CTNNA3: variants seen among roughly 807,000 people sequenced by gnomAD.
CTNNA3 encodes the protein catenin alpha-3.
Under a neutral mutation model 95.7 loss-of-function variants are expected in CTNNA3, and 76 were observed. The ratio of observed to expected loss-of-function variants is 0.79; its 90% CI spans 0.66 to 0.96. The LOEUF is 0.96. Ranked by LOEUF, CTNNA3 falls within the 40% of genes least tolerant of loss-of-function variation. The pLI, the probability that CTNNA3 is intolerant of heterozygous loss-of-function variation, is 0.00. For missense variants in CTNNA3, 1,191 were observed against 1,089.8 expected (o/e 1.09, Z -1.31); for synonymous variants, 431 against 374.4 (o/e 1.15, Z -1.74).
intron 10 of CTNNA3, among the ~76,000 whole-genome samples, chr10:66,593,483 A>G (rs1843617215): frequency 6.6e-6 from 1 of 152,112 alleles, no homozygotes. Context: ...CTGTTTCTTT[A>G]GATCTAGGGT....
chr10:66,754,061 A>G (rs1839272364), intron 9 of CTNNA3, among the ~76,000 whole-genome samples: 1 of 152,196 alleles, frequency 6.6e-6, no homozygotes, highest in Non-Finnish European at 1.5e-5. Flanking sequence ...CAAGGGACCT[A>G]TAAAAGCCAA....
intron 15 of CTNNA3, among the ~76,000 whole-genome samples, chr10:66,045,321 A>G (rs1006149116): frequency 6.6e-6 from 1 of 152,196 alleles, no homozygotes; most frequent in African/African-American, 2.4e-5. Flanking sequence ...GCTAGGTTTT[A>G]TCTACCTAAA....
intron 3 of CTNNA3, among the ~76,000 whole-genome samples, chr10:67,603,160 T>C (rs1329746884): frequency 2.0e-5 from 3 of 152,306 alleles, no homozygotes; most frequent in South Asian, 4.1e-4. Context: ...TAAATCAGCA[T>C]ACGGGGTCAG....
chr10:67,032,257 G>C (rs1853773863), intron 7 of CTNNA3, among the ~76,000 whole-genome samples: 1 of 152,062 alleles, frequency 6.6e-6, no homozygotes, highest in Non-Finnish European at 1.5e-5. Flanking sequence ...TTTATATTGT[G>C]CTTCATTGCT....
chr10:67,692,764 G>A (rs1027640368), intron 1 of CTNNA3, among the ~76,000 whole-genome samples: 5 of 129,020 alleles, frequency 3.9e-5, no homozygotes, highest in Non-Finnish European at 7.9e-5. Flanking sequence ...AAAAAGTCTT[G>A]CTACAAAGTG....
At chr10:66,444,323 A>C (rs1281807432) in intron 11 of CTNNA3, among the ~76,000 whole-genome samples, 1 of 152,088 alleles carries the variant, frequency 6.6e-6, no homozygotes, top group Non-Finnish European at 1.5e-5. Flanking sequence ...AATACAGAGA[A>C]CACCACAAAG....
At chr10:66,466,809 A>G (rs1838935974) in intron 11 of CTNNA3, among the ~76,000 whole-genome samples, 1 of 152,134 alleles carries the variant, frequency 6.6e-6, no homozygotes, top group Non-Finnish European at 1.5e-5. Flanking sequence ...CATATTAGTA[A>G]TATGCCAGGT....
intron 14 of CTNNA3, among the ~76,000 whole-genome samples, chr10:66,083,090 C>A (rs1211367077): frequency 6.6e-6 from 1 of 151,862 alleles, no homozygotes; most frequent in Non-Finnish European, 1.5e-5. Context: ...GAAGTGAGGG[C>A]TTAAGTAAAC....
At chr10:67,576,405 T>G (rs1842146519) in intron 3 of CTNNA3, among the ~76,000 whole-genome samples, 1 of 152,080 alleles carries the variant, frequency 6.6e-6, no homozygotes. Flanking sequence ...CATTATTGTA[T>G]AGTTGTTAAT....
chr10:67,333,587 C>T (rs1187514944), intron 5 of CTNNA3, among the ~76,000 whole-genome samples: 4 of 152,082 alleles, frequency 2.6e-5, no homozygotes, highest in African/African-American at 9.7e-5. Flanking sequence ...ACTCAGAAAC[C>T]TGAAGATTAG....
Position 67,725,871 on chromosome 10 carries a change from A to T in CTNNA3, c.-2+37563T>A, listed in dbSNP as rs1841207800. On this transcript the variant is annotated intron_variant, in intron 1 of 17. Transcript: ENST00000684154. ...ATACGTAAGGTGTACCTTCCTCAAC[A>T]GTGACTAGAATGTCATATATATAAT... 2.1e-5 allele frequency among the ~76,000 whole-genome samples: 3 copies of T among 146,240 alleles called. No homozygotes were observed. The Admixed American group carries it at 2.1e-4, about 10-fold the overall frequency.
At chr10:66,869,397 A>T (rs2132435198) in intron 7 of CTNNA3, among the ~76,000 whole-genome samples, 1 of 152,110 alleles carries the variant, frequency 6.6e-6, no homozygotes, top group Middle Eastern at 3.4e-3. Flanking sequence ...AACATGGTGA[A>T]ACCTCATCTG....
At chr10:66,636,385 A>G (rs904436182) in intron 9 of CTNNA3, among the ~76,000 whole-genome samples, 19 of 152,220 alleles carry the variant, frequency 1.2e-4, no homozygotes, top group African/African-American at 4.6e-4. Flanking sequence ...AGAGGATAGG[A>G]TAAGACACTT....
chr10:67,199,363 TTTG>T (rs200825984), intron 6 of CTNNA3, among the ~76,000 whole-genome samples: 55,135 of 151,158 alleles, frequency 0.36, 14,456 homozygotes, highest in African/African-American at 0.75. Flanking sequence ...GTTTTTCCTT[TTTG>T]TTGTTGTTGT....
intron 1 of CTNNA3, among the ~76,000 whole-genome samples, chr10:67,663,004 T>C (rs1840233102): frequency 6.6e-6 from 1 of 152,208 alleles, no homozygotes; most frequent in Non-Finnish European, 1.5e-5. Context: ...AGCTCTTCCT[T>C]AAGTTCTCTG....
intron 7 of CTNNA3, among the ~76,000 whole-genome samples, chr10:67,153,581 C>T (rs1178320377): frequency 1.3e-5 from 2 of 152,226 alleles, no homozygotes; most frequent in African/African-American, 4.8e-5. Flanking sequence ...AGTTCTCCGA[C>T]AGCAGCGATC....
chr10:66,486,859 C>T (rs1175809327), intron 11 of CTNNA3, among the ~76,000 whole-genome samples: 1 of 151,000 alleles, frequency 6.6e-6, no homozygotes, highest in Non-Finnish European at 1.5e-5. Flanking sequence ...AATGAAATAT[C>T]AGTCAGTCTT....
chr10:65,924,944 T>C (rs1276103178), intron 17 of CTNNA3, among the ~76,000 whole-genome samples: 1 of 152,114 alleles, frequency 6.6e-6, no homozygotes, highest in African/African-American at 2.4e-5. Context: ...TTATTCACCA[T>C]CATGAGAACA....
chr10:66,297,765 T>C (rs998470356), intron 12 of CTNNA3, among the ~76,000 whole-genome samples: 1 of 152,182 alleles, frequency 6.6e-6, no homozygotes, highest in Admixed American at 6.5e-5. Flanking sequence ...AACCACTTAG[T>C]GAAACAAGAA....
Sources: allele counts gnomAD v4.1 joint callset (sites outside exome capture counted in the v4.1 genomes callset), GRCh38; gene constraint gnomAD v4.1.1; transcripts MANE v1.5; gene names NCBI Gene and HGNC (gene_info 2026-07-23, HGNC 2026-07-21).